Variants in SLC14A2 observed in about 807,000 individuals in gnomAD.
SLC14A2 encodes the protein urea transporter 2.
A neutral mutation model predicts 104.6 loss-of-function variants in SLC14A2; 91 were observed. That is an observed-to-expected ratio of 0.87 (90% CI 0.73 to 1.04). The LOEUF is 1.04. Among genes scored for constraint, SLC14A2 ranks in the 50% least tolerant of loss-of-function variants. The pLI is 0.00. For synonymous variants in SLC14A2, 476 were observed against 466.4 expected (o/e 1.02, Z -0.27); for missense variants, 1,189 against 1,156.0 (o/e 1.03, Z -0.41).
intron 1 of SLC14A2, among the ~76,000 whole-genome samples, chr18:45,218,118 A>G (rs1041254380): frequency 6.6e-6 from 1 of 152,172 alleles, no homozygotes; most frequent in African/African-American, 2.4e-5. Context: ...TTGCCCATCT[A>G]CGTCCAGAAC....
intron 1 of SLC14A2, among the ~76,000 whole-genome samples, chr18:45,346,354 G>A (rs1188067860): frequency 6.6e-6 from 1 of 152,078 alleles, no homozygotes; most frequent in Admixed American, 6.5e-5. Context: ...ACAGGGTTTT[G>A]CCATGTTGGC....
chr18:45,279,846 A>T (rs2084743385), intron 1 of SLC14A2, among the ~76,000 whole-genome samples: 1 of 152,154 alleles, frequency 6.6e-6, no homozygotes, highest in African/African-American at 2.4e-5. Flanking sequence ...CCACTCTGCA[A>T]GACATTTAAT....
At chr18:45,522,584 C>T (rs2043531961) in intron 2 of SLC14A2, among the ~76,000 whole-genome samples, 1 of 152,208 alleles carries the variant, frequency 6.6e-6, no homozygotes, top group African/African-American at 2.4e-5. Context: ...TCTCGGGAAA[C>T]AGGCCTAGTT....
chr18:45,392,978 G>A (rs1332379843), intron 1 of SLC14A2, among the ~76,000 whole-genome samples: 2 of 152,124 alleles, frequency 1.3e-5, no homozygotes, highest in African/African-American at 2.4e-5. Context: ...AGTTTTATCT[G>A]TTAATATGCT....
intron 11 of SLC14A2, 22 bp downstream of exon 11, chr18:45,663,929 C>G (rs762901078): frequency 1.3e-6 from 2 of 1,595,772 alleles, no homozygotes; most frequent in Non-Finnish European, 1.7e-6. Flanking sequence ...CTCCCCCTCA[C>G]GCTTGGATCC....
At chr18:45,306,551 A>G (rs2085023575) in intron 1 of SLC14A2, among the ~76,000 whole-genome samples, 1 of 152,148 alleles carries the variant, frequency 6.6e-6, no homozygotes, top group Admixed American at 6.5e-5. Context: ...AATTTCATAT[A>G]ATTTTCACAT....
intron 2 of SLC14A2, among the ~76,000 whole-genome samples, chr18:45,600,883 G>A (rs1443613912): frequency 6.6e-6 from 1 of 152,188 alleles, no homozygotes; most frequent in Non-Finnish European, 1.5e-5. Context: ...TTTATACAGG[G>A]CCATATGCAA....
chr18:45,387,133 C>G (rs1294534629), intron 1 of SLC14A2, among the ~76,000 whole-genome samples: 1 of 152,212 alleles, frequency 6.6e-6, no homozygotes, highest in Non-Finnish European at 1.5e-5. Flanking sequence ...AAATCTCTCT[C>G]CATAAGAATT....
rs549412719 is a variant in SLC14A2, at chr18:45,226,787, T to C, written c.-125+13596T>C. On this transcript the variant is annotated intron_variant, in intron 1 of 20. Coordinates refer to the SLC14A2 transcript ENST00000586448. ...ATATGTAGCCTGCATGTTGTGCACA[T>C]GTACCCTAGAACTTAAATAATAATA... Among the ~76,000 whole-genome samples, 6 of 151,792 alleles carry C rather than the reference T, an allele frequency of 4.0e-5. No individual in the cohort carries two copies. In the South Asian group the frequency reaches 1.0e-3, roughly 26 times the overall value.
intron 2 of SLC14A2, among the ~76,000 whole-genome samples, chr18:45,514,301 A>T (rs1833417): frequency 7.2e-5 from 11 of 152,002 alleles, no homozygotes; most frequent in African/African-American, 2.4e-4. Flanking sequence ...GACGGGAGAG[A>T]GATAGCATGC....
At chr18:45,226,030 A>T (rs2084112533) in intron 1 of SLC14A2, among the ~76,000 whole-genome samples, 2 of 152,228 alleles carry the variant, frequency 1.3e-5, no homozygotes, top group Admixed American at 1.3e-4. Context: ...GACACTTCTC[A>T]AAAGAAGACA....
intron 2 of SLC14A2, among the ~76,000 whole-genome samples, chr18:45,567,527 G>C (rs2044283776): frequency 6.6e-6 from 1 of 152,232 alleles, no homozygotes; most frequent in Non-Finnish European, 1.5e-5. Flanking sequence ...CTGGGAAAGA[G>C]TCAGAGTGTC....
intron 1 of SLC14A2, among the ~76,000 whole-genome samples, chr18:45,259,074 C>A (rs1377635799): frequency 6.6e-6 from 1 of 152,214 alleles, no homozygotes; most frequent in Non-Finnish European, 1.5e-5. Context: ...CTAACCCCTA[C>A]AGTTGCTTTT....
intron 1 of SLC14A2, among the ~76,000 whole-genome samples, chr18:45,473,808 A>G (rs1218846584): frequency 1.3e-5 from 2 of 152,198 alleles, no homozygotes; most frequent in African/African-American, 4.8e-5. Context: ...TAAATATACA[A>G]TCATGTCATC....
At chr18:45,519,802 T>C (rs2043491388) in intron 2 of SLC14A2, among the ~76,000 whole-genome samples, 1 of 152,216 alleles carries the variant, frequency 6.6e-6, no homozygotes, top group Non-Finnish European at 1.5e-5. Context: ...CTGGAGCCTG[T>C]GGTTTAGCAG....
In SLC14A2 at chr18:45,626,946, T is replaced by C. The variant is rs560766924; in HGVS notation, c.332-12T>C. On this transcript the variant is annotated splice_polypyrimidine_tract_variant and intron_variant, in intron 3 of 19. Transcript: ENST00000255226. ...CTGGACCTGCTGATGGCTCGCTCTC[T>C]GTCTCTTTCAGACAAGCACCTTGCC... 7.9e-5 allele frequency: 126 copies of C among 1,604,188 alleles called. No individual in the cohort carries two copies. The South Asian group carries it at 1.2e-3, about 15-fold the overall frequency.
chr18:45,680,678 T>A (rs1234884392), intron 19 of SLC14A2, among the ~76,000 whole-genome samples: 1 of 152,214 alleles, frequency 6.6e-6, no homozygotes, highest in Admixed American at 6.5e-5. Context: ...TTGTATTGAG[T>A]ACTTGGTATA....
intron 2 of SLC14A2, among the ~76,000 whole-genome samples, chr18:45,578,527 G>T (rs1191257276): frequency 6.6e-6 from 1 of 152,204 alleles, no homozygotes; most frequent in Non-Finnish European, 1.5e-5. Flanking sequence ...GCAGAAAAGA[G>T]CCAAGGAGTA....
chr18:45,352,522 C>T (rs928335020), intron 1 of SLC14A2, among the ~76,000 whole-genome samples: 1 of 152,102 alleles, frequency 6.6e-6, no homozygotes, highest in Non-Finnish European at 1.5e-5. Context: ...CTTACTGAGG[C>T]CCTAGGCACT....
Sources: allele counts gnomAD v4.1 joint callset (sites outside exome capture counted in the v4.1 genomes callset), GRCh38; gene constraint gnomAD v4.1.1; transcripts MANE v1.5; gene names NCBI Gene and HGNC (gene_info 2026-07-23, HGNC 2026-07-21).